SLC14A2: variants seen among roughly 807,000 people sequenced by gnomAD.
SLC14A2 encodes urea transporter 2.
A neutral mutation model predicts 104.6 loss-of-function variants in SLC14A2; 91 were observed. The ratio of observed to expected loss-of-function variants is 0.87; its 90% confidence interval spans 0.73 to 1.04. SLC14A2 has a LOEUF of 1.04. Among genes scored for constraint, SLC14A2 ranks in the 50% least tolerant of loss-of-function variants. SLC14A2 has a pLI of 0.00. For missense variants in SLC14A2, 1,189 were observed against 1,156.0 expected, an observed-to-expected ratio of 1.03 and a Z score of -0.41; for synonymous variants, 476 against 466.4, an observed-to-expected ratio of 1.02 and a Z score of -0.27.
Position 45,669,448 on chromosome 18 carries a change from C to G in SLC14A2, c.2179C>G (p.Pro727Ala), listed in dbSNP as rs781032672. ...TTTCTTCCCCACAACGCTGCTGCAG[C>G]CTGCATCCGCCATGCCCAACATCAC... is the stretch of plus-strand genomic sequence containing the variant. ...NLFFPTTLLQ[P>A]ASAMPNITWS... is the part of the protein sequence containing the mutation. Residue 727 changes from proline to alanine, a missense_variant, in exon 16 of 20, where the codon CCT (proline) becomes GCT (alanine). By Grantham distance (27) the Pro-to-Ala change is conservative (BLOSUM62 -1). Transcript: ENST00000255226. 1 of 1,614,150 alleles carries G rather than the reference C, an allele frequency of 6.2e-7. No individual in the cohort carries two copies. The highest frequency in any genetic ancestry group is 8.5e-7 in the Non-Finnish European group (1 of 1,179,988).
At chr18:45,333,318 A>G (rs1398657469) in intron 1 of SLC14A2, among the ~76,000 whole-genome samples, 1 of 152,216 alleles carries the variant, frequency 6.6e-6, no homozygotes, top group East Asian at 1.9e-4. Context: ...ACAGTATGCA[A>G]TAAAGCCAGT....
At chr18:45,494,894 G>A (rs1414364957) in intron 2 of SLC14A2, among the ~76,000 whole-genome samples, 2 of 114,206 alleles carry the variant, frequency 1.8e-5, no homozygotes, top group Admixed American at 9.9e-5. Context: ...AAACAGAATC[G>A]GGTCATCACA....
chr18:45,428,953 T>C (rs2086474057), intron 1 of SLC14A2, among the ~76,000 whole-genome samples: 1 of 152,200 alleles, frequency 6.6e-6, no homozygotes, highest in Non-Finnish European at 1.5e-5. Flanking sequence ...TTTTCCTAAA[T>C]GCATGAAACC....
the SLC14A2 span, among the ~76,000 whole-genome samples, chr18:45,197,737 T>C: frequency 6.6e-6 from 1 of 152,342 alleles, no homozygotes; most frequent in Non-Finnish European, 1.5e-5. Context: ...ATGCGTCTCA[T>C]TCATTGCTTG....
chr18:45,470,986 T>TTGTG (rs35849093), intron 1 of SLC14A2, among the ~76,000 whole-genome samples: 12 of 151,314 alleles, frequency 7.9e-5, no homozygotes, highest in South Asian at 2.1e-4. Flanking sequence ...AATTTCCAGT[T>TTGTG]TGTGTGTGTG....
At chr18:45,265,369 G>T (rs1370217958) in intron 1 of SLC14A2, among the ~76,000 whole-genome samples, 1 of 152,170 alleles carries the variant, frequency 6.6e-6, no homozygotes, top group Non-Finnish European at 1.5e-5. Context: ...AATTAAATGG[G>T]CCATCTTGTA....
At chr18:45,644,485 C>A (rs928677648) in intron 10 of SLC14A2, 15 of 224,248 alleles carry the variant, frequency 6.7e-5, no homozygotes, top group Middle Eastern at 3.1e-3. Flanking sequence ...AACAGGTGAT[C>A]TTCTTGGCAT....
intron 2 of SLC14A2, among the ~76,000 whole-genome samples, chr18:45,532,605 A>G (rs1363980992): frequency 4.6e-5 from 7 of 151,358 alleles, no homozygotes; most frequent in African/African-American, 9.8e-5. Context: ...GGGCTGAGAC[A>G]GTGGGGTTTT....
chr18:45,568,654 G>T (rs2044301541), intron 2 of SLC14A2, among the ~76,000 whole-genome samples: 1 of 152,202 alleles, frequency 6.6e-6, no homozygotes, highest in Non-Finnish European at 1.5e-5. Context: ...CAGCTCCTTT[G>T]TCACCTAGCC....
chr18:45,283,160 T>C (rs1430643799), intron 1 of SLC14A2, among the ~76,000 whole-genome samples: 2 of 152,060 alleles, frequency 1.3e-5, no homozygotes, highest in African/African-American at 4.8e-5. Context: ...GACACTGACT[T>C]AATACCCGCT....
intron 1 of SLC14A2, among the ~76,000 whole-genome samples, chr18:45,369,938 A>G (rs1347679028): frequency 2.0e-5 from 3 of 152,172 alleles, no homozygotes; most frequent in African/African-American, 7.2e-5. Flanking sequence ...GTATTGGTAG[A>G]TATTTTTCCC....
chr18:45,679,067 T>C, intron 19 of SLC14A2, 43 bp downstream of exon 19: 2 of 1,594,038 alleles, frequency 1.3e-6, no homozygotes, highest in Non-Finnish European at 1.7e-6. Flanking sequence ...ACATCCTTCC[T>C]GGTGTCCTCT....
chr18:45,173,527 A>T, the SLC14A2 span, among the ~76,000 whole-genome samples: 1 of 151,966 alleles, frequency 6.6e-6, no homozygotes, highest in South Asian at 2.1e-4. Context: ...GGAAGTTGGA[A>T]GATGACTCAG....
intron 16 of SLC14A2, among the ~76,000 whole-genome samples, chr18:45,672,558 T>G (rs1222910759): frequency 6.6e-6 from 1 of 151,954 alleles, no homozygotes; most frequent in Non-Finnish European, 1.5e-5. Context: ...CACAAAGGGT[T>G]TTTAAACCCC....
chr18:45,286,526 C>A (rs941676237), intron 1 of SLC14A2, among the ~76,000 whole-genome samples: 2 of 152,194 alleles, frequency 1.3e-5, no homozygotes, highest in African/African-American at 2.4e-5. Flanking sequence ...TATCTACTCT[C>A]ATTTTATAGA....
chr18:45,254,075 G>A (rs2084450395), intron 1 of SLC14A2, among the ~76,000 whole-genome samples: 1 of 152,070 alleles, frequency 6.6e-6, no homozygotes, highest in Non-Finnish European at 1.5e-5. Flanking sequence ...TTATAGGTGG[G>A]GAGTCCCAGG....
At chr18:45,308,097 G>T (rs1413208558) in intron 1 of SLC14A2, among the ~76,000 whole-genome samples, 1 of 152,108 alleles carries the variant, frequency 6.6e-6, no homozygotes, top group East Asian at 1.9e-4. Context: ...CACGAGGAGG[G>T]CACCAAGCCA....
intron 10 of SLC14A2, among the ~76,000 whole-genome samples, chr18:45,644,957 T>A (rs2144566579): frequency 6.6e-6 from 1 of 152,240 alleles, no homozygotes; most frequent in Admixed American, 6.5e-5. Flanking sequence ...TATCAACCCG[T>A]CATCTAGGTT....
intron 2 of SLC14A2, among the ~76,000 whole-genome samples, chr18:45,554,495 G>A (rs1485965243): frequency 1.3e-5 from 2 of 152,168 alleles, no homozygotes; most frequent in African/African-American, 4.8e-5. Flanking sequence ...TCCTGGGGCT[G>A]CAAGGTGGGG....
Sources: allele counts gnomAD v4.1 joint callset (sites outside exome capture counted in the v4.1 genomes callset), GRCh38; gene constraint gnomAD v4.1.1; transcripts MANE v1.5; gene names NCBI Gene and HGNC (gene_info 2026-07-23, HGNC 2026-07-21).